The following ARHGAP18 variants were observed in gnomAD, a reference collection of about 807,000 sequenced individuals.
ARHGAP18 encodes the protein rho GTPase-activating protein 18.
Under a neutral mutation model 86.2 loss-of-function variants are expected in ARHGAP18, and 67 were observed. The ratio of observed to expected loss-of-function variants is 0.78; its 90% CI spans 0.64 to 0.95. ARHGAP18 has a LOEUF of 0.95. Ranked by LOEUF, ARHGAP18 falls within the 40% of genes least tolerant of loss-of-function variation. The pLI is 0.00. For missense variants in ARHGAP18, 691 were observed against 780.4 expected (o/e 0.89, Z 1.37); for synonymous variants, 283 against 280.4 (o/e 1.01, Z -0.09).
intron 13 of ARHGAP18, among the ~76,000 whole-genome samples, chr6:129,583,349 A>G (rs1016655922): frequency 2.0e-5 from 3 of 152,182 alleles, no homozygotes; most frequent in African/African-American, 7.2e-5. Flanking sequence ...AAGACACTGC[A>G]AAGTGTTCTG....
chr6:129,664,132 G>C, intron 1 of ARHGAP18, among the ~76,000 whole-genome samples: 1 of 152,268 alleles, frequency 6.6e-6, no homozygotes, highest in Non-Finnish European at 1.5e-5. Flanking sequence ...GCTTTACTGC[G>C]TTAATATTAT....
At chr6:129,616,752 A>T (rs28720900) in intron 6 of ARHGAP18, among the ~76,000 whole-genome samples, 1,706 of 152,274 alleles carry the variant, frequency 0.011, 20 homozygotes, top group East Asian at 0.042. Flanking sequence ...GTTCAAGACC[A>T]GCCTAAGCCT....
intron 3 of ARHGAP18, among the ~76,000 whole-genome samples, chr6:129,636,157 A>T (rs1370240750): frequency 6.6e-6 from 1 of 152,222 alleles, no homozygotes; most frequent in African/African-American, 2.4e-5. Context: ...CTTTAACACA[A>T]GTGGATATCC....
chr6:129,684,571 T>G (rs11757701), intron 1 of ARHGAP18, among the ~76,000 whole-genome samples: 28,727 of 152,184 alleles, frequency 0.19, 3,054 homozygotes, highest in South Asian at 0.31. Flanking sequence ...TGTTAGTTTG[T>G]AAATTTCATG....
At chr6:129,689,867 C>T (rs977259342) in intron 1 of ARHGAP18, among the ~76,000 whole-genome samples, 1 of 152,138 alleles carries the variant, frequency 6.6e-6, no homozygotes, top group Non-Finnish European at 1.5e-5. Flanking sequence ...CTTTGTGTAC[C>T]TCCCACACTC....
chr6:129,664,375 T>A (rs181001460), intron 1 of ARHGAP18, among the ~76,000 whole-genome samples: 1 of 152,286 alleles, frequency 6.6e-6, no homozygotes, highest in Non-Finnish European at 1.5e-5. Context: ...TATTTCCTCA[T>A]TTGTAAAATA....
intron 7 of ARHGAP18, 48 bp from the exon 8 acceptor site, chr6:129,611,658 A>G: frequency 6.7e-7 from 1 of 1,501,922 alleles, no homozygotes; most frequent in South Asian, 1.1e-5. Context: ...TGTAACAGGT[A>G]CAATTCCGAA....
intron 1 of ARHGAP18, among the ~76,000 whole-genome samples, chr6:129,657,651 T>G (rs1029233962): frequency 1.3e-5 from 2 of 152,200 alleles, no homozygotes; most frequent in Non-Finnish European, 2.9e-5. Context: ...TGGAAGGCCA[T>G]TCACTTCCAC....
intron 1 of ARHGAP18, chr6:129,661,780 G>T: frequency 1.5e-6 from 1 of 666,108 alleles, no homozygotes; most frequent in Non-Finnish European, 1.9e-6. Flanking sequence ...CACAAATAAC[G>T]TGCAGGGTAT....
At position 129,706,809 on chromosome 6, in the gene ARHGAP18, C is replaced by G. The variant is rs1329149414; in HGVS notation, c.113+3215G>C. Among the ~76,000 whole-genome samples the G allele has an allele frequency of 2.0e-5, 3 of 147,934 alleles. No individual in the cohort carries two copies. In the Admixed American group the frequency reaches 2.0e-4, roughly 10 times the overall value. ...GGCTGAAGCAGGAGAATCACTTGAGCCTGGAGACGGAGGTTGCAGTGAGCC... is the reference window on the plus strand; with the variant it reads ...GGCTGAAGCAGGAGAATCACTTGAGGCTGGAGACGGAGGTTGCAGTGAGCC... On this transcript the variant is annotated intron_variant, in intron 1 of 14. Transcript: ENST00000368149.
chr6:129,611,162 A>C (rs1788970774), intron 8 of ARHGAP18, among the ~76,000 whole-genome samples: 1 of 152,190 alleles, frequency 6.6e-6, no homozygotes, highest in African/African-American at 2.4e-5. Flanking sequence ...TTGGCCTCCC[A>C]AAGTGCTAGG....
At chr6:129,705,363 G>A in intron 1 of ARHGAP18, among the ~76,000 whole-genome samples, 1 of 152,212 alleles carries the variant, frequency 6.6e-6, no homozygotes, top group East Asian at 1.9e-4. Flanking sequence ...ACAGGAGTGA[G>A]TCCAGCTGCC....
At position 129,577,540 on chromosome 6, in the gene ARHGAP18, T is replaced by A. The variant is rs1010902704; in HGVS notation, c.*973A>T. ...TTAAAATAAGAACACAAACAAAAGC[T>A]TTTTCACCCAGAAGAATAATTCTTC... is the stretch of plus-strand genomic sequence containing the variant. On this transcript the variant is annotated 3_prime_UTR_variant, in exon 15 of 15. Coordinates refer to ENST00000368149, the MANE Select transcript of ARHGAP18 (RefSeq NM_033515.3). 1.3e-5 allele frequency: 2 copies of A among 151,918 alleles called. No individual in the cohort carries two copies. The highest frequency in any genetic ancestry group is 1.3e-4 in the Admixed American group (2 of 15,226). The allele number at this position is 151,918 out of a possible 1,614,324, so 9.4% of individuals were successfully genotyped here.
intron 3 of ARHGAP18, among the ~76,000 whole-genome samples, chr6:129,634,884 A>C (rs1201957357): frequency 2.3e-5 from 3 of 128,738 alleles, no homozygotes; most frequent in African/African-American, 9.0e-5. Context: ...GAAATTCTTC[A>C]AGTTAAAAAA....
At chr6:129,705,220 T>C (rs1480282992) in intron 1 of ARHGAP18, among the ~76,000 whole-genome samples, 1 of 152,238 alleles carries the variant, frequency 6.6e-6, no homozygotes, top group Non-Finnish European at 1.5e-5. Flanking sequence ...TGAATGATTA[T>C]GCTTGCAGAA....
intron 3 of ARHGAP18, among the ~76,000 whole-genome samples, chr6:129,637,705 G>A (rs1457818044): frequency 1.3e-5 from 2 of 152,116 alleles, no homozygotes; most frequent in Non-Finnish European, 2.9e-5. Context: ...AACCAATCTC[G>A]CTGTTTCTGT....
At chr6:129,624,541 C>CA (rs1246982791) in intron 5 of ARHGAP18, among the ~76,000 whole-genome samples, 2 of 151,804 alleles carry the variant, frequency 1.3e-5, no homozygotes, top group Admixed American at 6.6e-5. Context: ...CAAACACACA[C>CA]AAAAAACCAT....
intron 12 of ARHGAP18, among the ~76,000 whole-genome samples, chr6:129,593,640 A>G (rs77927554): frequency 2.0e-5 from 3 of 152,176 alleles, no homozygotes. Context: ...CTCAGGCCAC[A>G]TGACTTCTGA....
chr6:129,660,088 G>C (rs1773922018), intron 1 of ARHGAP18, among the ~76,000 whole-genome samples: 1 of 152,208 alleles, frequency 6.6e-6, no homozygotes, highest in African/African-American at 2.4e-5. Context: ...TAGGGGGTTG[G>C]GGTTGGAGGG....
Sources: gnomAD v4.1 joint callset for allele counts (sites outside exome capture counted in the v4.1 genomes callset) on GRCh38, gnomAD v4.1.1 for gene constraint, MANE v1.5 for transcripts, NCBI Gene and HGNC (gene_info 2026-07-23, HGNC 2026-07-21) for gene names.